The following ENTREP2 variants were observed in gnomAD, a reference collection of about 807,000 sequenced individuals.
ENTREP2 encodes the protein endosomal transmembrane epsin interactor 2.
At chr15:29,329,302 G>C in the ENTREP2 span, among the ~76,000 whole-genome samples, 1 of 151,728 alleles carries the variant, frequency 6.6e-6, no homozygotes, top group Non-Finnish European at 1.5e-5. Context: ...GGCGGAGGTT[G>C]CAGTGAGCTG....
chr15:29,369,336 T>C, the ENTREP2 span, among the ~76,000 whole-genome samples: 1 of 151,982 alleles, frequency 6.6e-6, no homozygotes, highest in Admixed American at 6.5e-5. Context: ...AGGCAAAAGA[T>C]CAGTGACTTA....
the ENTREP2 span, among the ~76,000 whole-genome samples, chr15:29,335,165 C>T: frequency 2.0e-5 from 3 of 152,156 alleles, no homozygotes; most frequent in South Asian, 4.1e-4. Flanking sequence ...TTGCTTAGTG[C>T]CACTATATTT....
the ENTREP2 span, among the ~76,000 whole-genome samples, chr15:29,387,524 C>T: frequency 6.6e-6 from 1 of 152,140 alleles, no homozygotes; most frequent in Admixed American, 6.5e-5. Flanking sequence ...GAATCAATAT[C>T]GTGAAAATGG....
chr15:29,489,690 C>T, the ENTREP2 span, among the ~76,000 whole-genome samples: 6,166 of 152,228 alleles, frequency 0.041, 401 homozygotes, highest in African/African-American at 0.14. Flanking sequence ...CAACAGTACC[C>T]GTCCATCAGA....
chr15:29,548,494 G>C, the ENTREP2 span, among the ~76,000 whole-genome samples: 1 of 148,738 alleles, frequency 6.7e-6, no homozygotes, highest in Admixed American at 6.7e-5. Flanking sequence ...TTTATGTTAC[G>C]TGTATTTTAC....
At chr15:29,570,886 G>C in the ENTREP2 span, among the ~76,000 whole-genome samples, 5 of 144,882 alleles carry the variant, frequency 3.5e-5, no homozygotes, top group Non-Finnish European at 7.6e-5. Flanking sequence ...GCCGGGCCGG[G>C]CGGGGAGCCG....
At chr15:29,612,391 T>C in the ENTREP2 span, among the ~76,000 whole-genome samples, 2 of 152,034 alleles carry the variant, frequency 1.3e-5, no homozygotes, top group Non-Finnish European at 2.9e-5. Context: ...TGGGCTGGAA[T>C]TTCTTGTTGC....
At chr15:29,255,488 G>A in the ENTREP2 span, among the ~76,000 whole-genome samples, 277 of 152,158 alleles carry the variant, frequency 1.8e-3, no homozygotes, top group Non-Finnish European at 3.5e-3. Context: ...AAAGCAGAAC[G>A]ACCATTCGAC....
the ENTREP2 span, among the ~76,000 whole-genome samples, chr15:29,283,173 T>C: frequency 2.0e-5 from 3 of 152,124 alleles, no homozygotes; most frequent in South Asian, 2.1e-4. Context: ...CTGGAGCAGA[T>C]GAGAGGGAGC....
the ENTREP2 span, chr15:29,196,408 A>C: frequency 3.2e-6 from 5 of 1,548,368 alleles, no homozygotes; most frequent in Non-Finnish European, 4.4e-6. Flanking sequence ...ATGCATGCAC[A>C]AGCAGCGCCC....
chr15:29,577,995 G>C, the ENTREP2 span, among the ~76,000 whole-genome samples: 1 of 152,134 alleles, frequency 6.6e-6, no homozygotes, highest in Non-Finnish European at 1.5e-5. Flanking sequence ...AGAGTTCCTG[G>C]AGATGGTTGG....
chr15:29,384,756 A>T, the ENTREP2 span, among the ~76,000 whole-genome samples: 1 of 150,188 alleles, frequency 6.7e-6, no homozygotes, highest in Non-Finnish European at 1.5e-5. Flanking sequence ...TCCTGTCCCC[A>T]GCCCTCCCGG....
At chr15:29,364,636 T>C in the ENTREP2 span, among the ~76,000 whole-genome samples, 2 of 152,338 alleles carry the variant, frequency 1.3e-5, no homozygotes, top group Non-Finnish European at 2.9e-5. Flanking sequence ...TCATAACTGG[T>C]GTGGGAGACA....
the ENTREP2 span, among the ~76,000 whole-genome samples, chr15:29,220,554 G>T: frequency 6.6e-6 from 1 of 152,132 alleles, no homozygotes; most frequent in Non-Finnish European, 1.5e-5. Context: ...CGCATTCTTT[G>T]TTTCTAATTG....
the ENTREP2 span, among the ~76,000 whole-genome samples, chr15:29,278,103 G>A: frequency 7.2e-5 from 11 of 152,092 alleles, no homozygotes; most frequent in South Asian, 2.1e-4. Flanking sequence ...CACAGGCCCC[G>A]CCTCTCTGAT....
the ENTREP2 span, among the ~76,000 whole-genome samples, chr15:29,478,006 TATATA>T: frequency 1.8e-4 from 14 of 76,968 alleles, no homozygotes; most frequent in African/African-American, 6.0e-4. Context: ...TATATATATA[TATATA>T]TATATATATT....
the ENTREP2 span, among the ~76,000 whole-genome samples, chr15:29,188,119 G>A: frequency 6.6e-6 from 1 of 152,180 alleles, no homozygotes; most frequent in South Asian, 2.1e-4. Flanking sequence ...TTAATAATAA[G>A]ATATGTATTA....
chr15:29,158,858 CAAG>C, the ENTREP2 span, among the ~76,000 whole-genome samples: 1 of 151,420 alleles, frequency 6.6e-6, no homozygotes, highest in Non-Finnish European at 1.5e-5. Flanking sequence ...AGAACAAAAA[CAAG>C]AGAAAAAAGT....
At chr15:29,599,223 T>G in the ENTREP2 span, among the ~76,000 whole-genome samples, 43 of 152,376 alleles carry the variant, frequency 2.8e-4, no homozygotes, top group African/African-American at 9.4e-4. Flanking sequence ...GTATTGCTGC[T>G]GAGCATGCAC....
Sources: allele counts gnomAD v4.1 joint callset (sites outside exome capture counted in the v4.1 genomes callset), GRCh38; gene constraint gnomAD v4.1.1; transcripts MANE v1.5; gene names NCBI Gene and HGNC (gene_info 2026-07-23, HGNC 2026-07-21).